Variants in HERC5 observed in about 807,000 individuals in gnomAD.
HERC5 encodes E3 ISG15--protein ligase HERC5.
In HERC5, 99 loss-of-function variants were observed where a neutral mutation model predicts 119.6. The ratio of observed to expected loss-of-function variants is 0.83; its 90% CI spans 0.70 to 0.98. The LOEUF (loss-of-function observed/expected upper bound fraction) is 0.98, where lower values mean the gene tolerates loss of function less well. Ranked by LOEUF, HERC5 falls within the 50% of genes least tolerant of loss-of-function variation. The probability of loss-of-function intolerance (pLI) is 0.00; values close to 1 mark genes in which losing one functional copy is unlikely to be tolerated. For missense variants in HERC5, 1,267 were observed against 1,241.3 expected, an observed-to-expected ratio of 1.02 and a Z score of -0.31; for synonymous variants, 478 against 445.9, an observed-to-expected ratio of 1.07 and a Z score of -0.91.
At chr4:88,505,628 G>A in intron 22 of HERC5, 45 bp from the exon 23 acceptor site, 6 of 1,099,750 alleles carry the variant, frequency 5.5e-6, no homozygotes, top group Middle Eastern at 2.3e-4. Context: ...AAGAGATTTT[G>A]GTCTCCATGT....
At chr4:88,465,975 TTTTTTCTGG>T (rs1201307044) in intron 6 of HERC5, among the ~76,000 whole-genome samples, 1 of 152,100 alleles carries the variant, frequency 6.6e-6, no homozygotes, top group East Asian at 1.9e-4. Context: ...GTTGTTTTTG[TTTTTTCTGG>T]TTTTTTTATT....
chr4:88,501,939 C>T, intron 20 of HERC5, among the ~76,000 whole-genome samples: 1 of 152,116 alleles, frequency 6.6e-6, no homozygotes. Context: ...GCTGGGACTA[C>T]AGGCGCCCGC....
At position 88,457,222 on chromosome 4, in the gene HERC5, A is replaced by G. The variant is rs1212542787; in HGVS notation, c.-48A>G. 6.3e-6 allele frequency: 8 copies of G among 1,268,768 alleles called. No individual in the cohort carries two copies. The highest frequency in any genetic ancestry group is 7.0e-6 in the Non-Finnish European group (7 of 1,005,180). 78.6% of individuals were successfully genotyped at this position (1,268,768 alleles called of 1,614,324 possible). ...AGTGGGCGCGCTCAGTCCCGGGACC[A>G]GGCGTTCTCTCCTCTCGCCTCTGGG... On this transcript the variant is annotated 5_prime_UTR_variant, in exon 1 of 23. Coordinates refer to ENST00000264350, the MANE Select transcript of HERC5 (RefSeq NM_016323.4).
chr4:88,457,532 C>A lies in HERC5; in HGVS notation c.263C>A (p.Pro88Gln). 1 of 1,266,480 alleles carries A rather than the reference C, an allele frequency of 7.9e-7. No homozygotes were observed. The highest frequency in any genetic ancestry group is 9.9e-7 in the Non-Finnish European group (1 of 1,005,612). The allele number at this position is 1,266,480 out of a possible 1,614,324, so 78.5% of individuals were successfully genotyped here. Residue 88 changes from proline (P) to glutamine (Q), a missense_variant and splice_region_variant, in exon 1 of 23, where the codon CCG becomes CAG. Pro to Gln is a moderately conservative substitution (Grantham distance 76). Coordinates refer to ENST00000264350, the MANE Select transcript of HERC5 (RefSeq NM_016323.4). ...GCCGGGAGCGGCGGCGCCCGGACGC[C>A]GAGTGAGTGGGGCTGGTGTGTGAGG... ...LLAGSGGARTPKCIKLGKNMK... is the reference protein window; with the variant it reads ...LLAGSGGARTQKCIKLGKNMK...
chr4:88,479,675 A>G (rs953685609), intron 13 of HERC5, among the ~76,000 whole-genome samples, 168 bp downstream of exon 13: 1 of 152,100 alleles, frequency 6.6e-6, no homozygotes, highest in African/African-American at 2.4e-5. Flanking sequence ...GAATATATAT[A>G]TAATACCTAT....
chr4:88,464,390 C>T (rs527391815), intron 6 of HERC5, among the ~76,000 whole-genome samples: 9 of 152,106 alleles, frequency 5.9e-5, no homozygotes, highest in Admixed American at 4.6e-4. Context: ...TTTTAATTAC[C>T]AGAGTTCTTT....
At chr4:88,459,199 C>T (rs1452620795) in intron 1 of HERC5, 148 bp from the exon 2 acceptor site, 3 of 570,560 alleles carry the variant, frequency 5.3e-6, no homozygotes, top group Non-Finnish European at 8.5e-6. Flanking sequence ...CTTTGCCTAC[C>T]TGAATTTTCT....
intron 11 of HERC5, among the ~76,000 whole-genome samples, chr4:88,472,755 A>G (rs7667551): frequency 0.12 from 17,714 of 152,232 alleles, 1,309 homozygotes; most frequent in East Asian, 0.26. Context: ...ATATGCATAC[A>G]CATTCGTAGA....
At chr4:88,470,771 C>A in intron 10 of HERC5, 98 bp downstream of exon 10, 1 of 534,918 alleles carries the variant, frequency 1.9e-6, no homozygotes. Flanking sequence ...GTGTGTTCAT[C>A]CCTTTTTAAA....
intron 20 of HERC5, among the ~76,000 whole-genome samples, chr4:88,501,981 G>A (rs1446143504): frequency 1.3e-5 from 2 of 152,080 alleles, no homozygotes; most frequent in Non-Finnish European, 1.5e-5. Flanking sequence ...TGTATTTTTA[G>A]TAGAGACAGG....
chr4:88,460,922 T>G (rs1431305189), intron 3 of HERC5, among the ~76,000 whole-genome samples: 1 of 152,022 alleles, frequency 6.6e-6, no homozygotes, highest in African/African-American at 2.4e-5. Context: ...CCCAGGAGTT[T>G]GAGGCTGCAG....
chr4:88,506,139 AAAAAT>A lies in HERC5; in HGVS notation c.*269_*273del. 1 of 383,382 alleles carries A rather than the reference AAAAAT, an allele frequency of 2.6e-6. No individual in the cohort carries two copies. The highest frequency in any genetic ancestry group is 4.6e-6 in the Non-Finnish European group (1 of 216,186). 23.7% of individuals were successfully genotyped at this position (383,382 alleles called of 1,614,324 possible). ...TTACCTCTTTTGGGAAATATTTTTC[AAAAAT>A]AAAATAACCGAAAAATTAACATAAA... On this transcript the variant is annotated 3_prime_UTR_variant, in exon 23 of 23. Coordinates refer to ENST00000264350, the MANE Select transcript of HERC5 (RefSeq NM_016323.4).
rs200562632 is a variant in HERC5, at chr4:88,500,933, G to T, written c.2530G>T (p.Asp844Tyr). The T allele has an allele frequency of 1.2e-6, 2 of 1,611,498 alleles. No homozygotes were observed. Among genetic ancestry groups the T allele is most frequent in the Non-Finnish European group, 1.7e-6 (2 of 1,179,198 alleles). Residue 844 changes from aspartate (D) to tyrosine (Y), a missense_variant, in exon 20 of 23, where the codon GAC (aspartate) becomes TAC (tyrosine). Asp to Tyr is a radical substitution (Grantham distance 160). Transcript: ENST00000264350. ...GTTACAGGTGCACTGGGACAGAAAC[G>T]ACACAAACTTAATTCCTAATGGAAG... ...IHFNVHWDRN[D>Y]TNLIPNGSSI...
At chr4:88,489,763 C>T (rs1487076114) in intron 16 of HERC5, among the ~76,000 whole-genome samples, 1 of 152,082 alleles carries the variant, frequency 6.6e-6, no homozygotes, top group Non-Finnish European at 1.5e-5. Flanking sequence ...AATCCCGGCG[C>T]TTTGGGATGC....
At chr4:88,491,127 G>A (rs1741622679) in intron 16 of HERC5, among the ~76,000 whole-genome samples, 1 of 152,118 alleles carries the variant, frequency 6.6e-6, no homozygotes, top group African/African-American at 2.4e-5. Flanking sequence ...ATGAGGTTGG[G>A]CAGCTTGTCC....
intron 16 of HERC5, among the ~76,000 whole-genome samples, chr4:88,490,335 A>G (rs1741595168): frequency 6.6e-6 from 1 of 152,180 alleles, no homozygotes; most frequent in Non-Finnish European, 1.5e-5. Context: ...GTACAGAACT[A>G]TTAGGTAACT....
intron 12 of HERC5, among the ~76,000 whole-genome samples, 175 bp downstream of exon 12, chr4:88,476,205 C>CTA (rs1413168011): frequency 6.6e-6 from 1 of 152,100 alleles, no homozygotes; most frequent in African/African-American, 2.4e-5. Context: ...ATAGATTATT[C>CTA]TAATACTTTT....
rs1242494115 is a variant in HERC5, at chr4:88,488,075, TA to T, written c.1962+898del. ...CTGAGTATGACTGTAATGAAATATTTAACAAAGGGAAATCAAAGATAAAAAG... is the reference window on the plus strand; with the variant it reads ...CTGAGTATGACTGTAATGAAATATTTACAAAGGGAAATCAAAGATAAAAAG... On this transcript the variant is annotated intron_variant, in intron 15 of 22. Coordinates refer to ENST00000264350, the MANE Select transcript of HERC5 (RefSeq NM_016323.4). Among the ~76,000 whole-genome samples, 4 of 152,308 alleles carry T rather than the reference TA, an allele frequency of 2.6e-5. No individual in the cohort carries two copies. The East Asian group carries it at 7.7e-4, about 29-fold the overall frequency.
chr4:88,457,258 C>G lies in HERC5; in HGVS notation c.-12C>G. The G allele has an allele frequency of 7.5e-7, 1 of 1,325,232 alleles. No individual in the cohort carries two copies. Among genetic ancestry groups the G allele is most frequent in the South Asian group, 1.9e-5 (1 of 53,330 alleles). The allele number at this position is 1,325,232 out of a possible 1,614,324, so 82.1% of individuals were successfully genotyped here. On this transcript the variant is annotated 5_prime_UTR_variant, in exon 1 of 23. Transcript: ENST00000264350. ...CCTCTCGCCTCTGGGCCTGGGACCC[C>G]GCAAAGCGGCGATGGAGCGGAGGTC... is the stretch of plus-strand genomic sequence containing the variant.
Sources: gnomAD v4.1 joint callset for allele counts (sites outside exome capture counted in the v4.1 genomes callset) on GRCh38, gnomAD v4.1.1 for gene constraint, MANE v1.5 for transcripts, NCBI Gene and HGNC (gene_info 2026-07-23, HGNC 2026-07-21) for gene names.